The following PDE1C variants were observed in gnomAD, a reference collection of about 807,000 sequenced individuals.
PDE1C encodes the protein dual specificity calcium/calmodulin-dependent 3',5'-cyclic nucleotide phosphodiesterase 1C.
A neutral mutation model predicts 93.1 loss-of-function variants in PDE1C; 62 were observed. The ratio of observed to expected loss-of-function variants is 0.67; its 90% CI spans 0.54 to 0.82. The LOEUF (loss-of-function observed/expected upper bound fraction) is 0.82, where lower values mean the gene tolerates loss of function less well. Among genes scored for constraint, PDE1C ranks in the 40% least tolerant of loss-of-function variants. The pLI, the probability that PDE1C is intolerant of heterozygous loss-of-function variation, is 0.00. For synonymous variants in PDE1C, 325 were observed against 310.1 expected (o/e 1.05, Z -0.50); for missense variants, 742 against 884.6 (o/e 0.84, Z 2.04).
At chr7:31,734,149 T>C in the PDE1C span, among the ~76,000 whole-genome samples, 1 of 152,104 alleles carries the variant, frequency 6.6e-6, no homozygotes, top group Non-Finnish European at 1.5e-5. Flanking sequence ...GCACCTAGTA[T>C]GAGGAAGGCA....
At chr7:31,822,332 T>C (rs189827410) in intron 14 of PDE1C, among the ~76,000 whole-genome samples, 2 of 152,212 alleles carry the variant, frequency 1.3e-5, no homozygotes, top group African/African-American at 4.8e-5. Context: ...AGACCCCTTA[T>C]CTCAGGTTTG....
intron 16 of PDE1C, among the ~76,000 whole-genome samples, chr7:31,808,478 G>A (rs1044319042): frequency 3.2e-4 from 49 of 151,990 alleles, no homozygotes; most frequent in African/African-American, 1.0e-3. Flanking sequence ...TTAATCTTGC[G>A]TTTTGCATTG....
At chr7:31,886,491 C>G (rs1033522510) in intron 2 of PDE1C, among the ~76,000 whole-genome samples, 7 of 152,138 alleles carry the variant, frequency 4.6e-5, no homozygotes, top group Non-Finnish European at 8.8e-5. Context: ...GAGATAGGCT[C>G]TAGGAATACA....
intron 2 of PDE1C, among the ~76,000 whole-genome samples, chr7:31,881,849 G>A (rs1302886096): frequency 6.6e-6 from 1 of 152,266 alleles, no homozygotes; most frequent in East Asian, 1.9e-4. Context: ...TCTTTGAAAA[G>A]GCAATCGTTA....
rs376834288 is a variant in PDE1C, at chr7:32,374,793, G to A, written c.310+53029C>T. ...GTTCAAAAGGTAAACTTTATCTAAG[G>A]TTTTGAGCAAAACAGAAGATGTTCT... On this transcript the variant is annotated intron_variant, in intron 1 of 1. Coordinates refer to the PDE1C transcript ENST00000672256. 7.2e-5 allele frequency among the ~76,000 whole-genome samples: 11 copies of A among 152,286 alleles called. 2 individuals are homozygous for A. The highest frequency in any genetic ancestry group is 1.9e-4 in the East Asian group (1 of 5,178).
chr7:31,617,304 A>AACAAGTATTTCATTG, the PDE1C span, among the ~76,000 whole-genome samples: 2 of 152,184 alleles, frequency 1.3e-5, no homozygotes, highest in Non-Finnish European at 2.9e-5. Context: ...TGGGTTTCTC[A>AACAAGTATTTCATTG]ACAAGTATTT....
the PDE1C span, among the ~76,000 whole-genome samples, chr7:31,702,057 A>G: frequency 1.3e-5 from 2 of 152,344 alleles, no homozygotes; most frequent in East Asian, 3.9e-4. Context: ...TTGCCTTTGT[A>G]TAACCCAGAT....
At chr7:32,040,524 G>A (rs1451436685) in intron 2 of PDE1C, among the ~76,000 whole-genome samples, 1 of 152,118 alleles carries the variant, frequency 6.6e-6, no homozygotes, top group Non-Finnish European at 1.5e-5. Flanking sequence ...CCCCAGTCGA[G>A]AACCACTGGC....
At position 31,945,948 on chromosome 7, in the gene PDE1C, T is replaced by C. The variant is rs188159633; in HGVS notation, c.129-65088A>G. Among the ~76,000 whole-genome samples, 3 of 152,342 alleles carry C rather than the reference T, an allele frequency of 2.0e-5. No homozygotes were observed. In the East Asian group the frequency reaches 5.8e-4, roughly 29 times the overall value. On this transcript the variant is annotated intron_variant, in intron 2 of 17. Transcript: ENST00000396191. The stretch of plus-strand genomic sequence containing the variant: ...TTTACTGATTCTTTCCTTGGATAGT[T>C]GATTTCACTTTGAACTCCAAAGACA...
intron 3 of PDE1C, among the ~76,000 whole-genome samples, chr7:32,137,123 AAAGT>A (rs1224127438): frequency 6.6e-6 from 1 of 152,204 alleles, no homozygotes; most frequent in Admixed American, 6.5e-5. Context: ...GTGTTTTTAT[AAAGT>A]AAAAGTCTGC....
At chr7:32,224,630 A>C (rs1807121148) in intron 1 of PDE1C, among the ~76,000 whole-genome samples, 1 of 151,836 alleles carries the variant, frequency 6.6e-6, no homozygotes, top group Admixed American at 6.5e-5. Context: ...TTTGTATTAA[A>C]GAAACATGTG....
rs11973997 is a variant in PDE1C, at chr7:32,225,952, G to A, written c.86-16413C>T. ...ACGTGCTTGTAGTCCCAGCTACTCG[G>A]GAGGCTGAGGCAGGAGAATTGCTTG... On this transcript the variant is annotated intron_variant, in intron 1 of 18. Coordinates refer to the PDE1C transcript ENST00000396193. 5.7e-3 allele frequency among the ~76,000 whole-genome samples: 872 copies of A among 152,262 alleles called. 10 individuals carry two copies. Among genetic ancestry groups the A allele is most frequent in the African/African-American group, 0.02 (816 of 41,534 alleles).
chr7:32,150,597 G>A (rs1228492654), intron 3 of PDE1C, among the ~76,000 whole-genome samples: 1 of 152,190 alleles, frequency 6.6e-6, no homozygotes. Flanking sequence ...CTTGGATTCT[G>A]AGGCCAGACT....
At chr7:31,799,245 T>C (rs1300163925) in intron 16 of PDE1C, among the ~76,000 whole-genome samples, 1 of 151,690 alleles carries the variant, frequency 6.6e-6, no homozygotes, top group Non-Finnish European at 1.5e-5. Flanking sequence ...TGTTTGACTC[T>C]TTTCTCCCCA....
intron 1 of PDE1C, among the ~76,000 whole-genome samples, chr7:32,306,223 G>A (rs779536857): frequency 1.8e-4 from 27 of 152,092 alleles, no homozygotes; most frequent in Non-Finnish European, 3.7e-4. Context: ...TCAGTCTTGG[G>A]TATGTCTTTA....
intron 7 of PDE1C, chr7:31,850,973 T>A (rs937680893): frequency 3.1e-4 from 138 of 451,480 alleles, no homozygotes; most frequent in Non-Finnish European, 7.7e-5. Flanking sequence ...TAGTTTTATC[T>A]TTTTCAAGAA....
chr7:32,328,851 C>G (rs983307108), intron 1 of PDE1C, among the ~76,000 whole-genome samples: 1 of 152,224 alleles, frequency 6.6e-6, no homozygotes, highest in Non-Finnish European at 1.5e-5. Flanking sequence ...TCCACAAGGG[C>G]AAGGACATGG....
chr7:31,631,183 A>G, the PDE1C span, among the ~76,000 whole-genome samples: 1 of 152,226 alleles, frequency 6.6e-6, no homozygotes, highest in Admixed American at 6.5e-5. Context: ...GCGGAAGAGC[A>G]GATAAAAAAA....
the PDE1C span, among the ~76,000 whole-genome samples, chr7:31,668,867 C>T: frequency 6.6e-6 from 1 of 152,058 alleles, no homozygotes; most frequent in East Asian, 1.9e-4. Context: ...ATAAGATCAA[C>T]ATGCAAATAC....
Sources: allele counts gnomAD v4.1 joint callset (sites outside exome capture counted in the v4.1 genomes callset), GRCh38; gene constraint gnomAD v4.1.1; transcripts MANE v1.5; gene names NCBI Gene and HGNC (gene_info 2026-07-23, HGNC 2026-07-21).